The following LPGAT1 variants were observed in gnomAD, a reference collection of about 807,000 sequenced individuals.
The protein encoded by LPGAT1 is acyl-CoA:lysophosphatidylglycerol acyltransferase 1.
LPGAT1 carries 11 observed loss-of-function variants against 47.5 expected under a neutral mutation model. The observed-to-expected ratio is 0.23, with a 90% CI of 0.15 to 0.38. The LOEUF (loss-of-function observed/expected upper bound fraction) is 0.38, where lower values mean the gene tolerates loss of function less well. LPGAT1 is among the 10% of genes least tolerant of loss of function. LPGAT1 has a pLI of 1.00. For missense variants in LPGAT1, 293 were observed against 439.0 expected (o/e 0.67, Z 2.97); for synonymous variants, 138 against 144.2 (o/e 0.96, Z 0.31).
intron 6 of LPGAT1, among the ~76,000 whole-genome samples, chr1:211,773,879 T>C (rs928610501): frequency 1.3e-5 from 2 of 152,178 alleles, no homozygotes; most frequent in African/African-American, 4.8e-5. Flanking sequence ...AAAATAAGCA[T>C]TACTTTTGAA....
chr1:211,796,947 A>G (rs934457186), intron 2 of LPGAT1, among the ~76,000 whole-genome samples: 5 of 152,120 alleles, frequency 3.3e-5, no homozygotes, highest in Admixed American at 1.3e-4. Flanking sequence ...AGACTCACAT[A>G]GCATGCTGAA....
At chr1:211,796,591 G>A (rs1422339706) in intron 2 of LPGAT1, among the ~76,000 whole-genome samples, 4 of 152,132 alleles carry the variant, frequency 2.6e-5, no homozygotes, top group African/African-American at 9.7e-5. Flanking sequence ...AATATCTGCT[G>A]TAAAACCCAC....
chr1:211,750,195 G>T, intron 7 of LPGAT1, 145 bp from the exon 8 acceptor site: 1 of 698,450 alleles, frequency 1.4e-6, no homozygotes, highest in Non-Finnish European at 2.4e-6. Flanking sequence ...GATTTTATTT[G>T]AAATACAATT....
chr1:211,780,749 A>G (rs1658607326), intron 5 of LPGAT1, among the ~76,000 whole-genome samples: 1 of 152,240 alleles, frequency 6.6e-6, no homozygotes, highest in Non-Finnish European at 1.5e-5. Flanking sequence ...GTTTAGGAGT[A>G]AAGTATACTA....
At chr1:211,807,044 G>A (rs1659786720) in intron 2 of LPGAT1, among the ~76,000 whole-genome samples, 1 of 151,994 alleles carries the variant, frequency 6.6e-6, no homozygotes, top group Admixed American at 6.6e-5. Flanking sequence ...TACAAAAAAC[G>A]CCTATTCCCA....
At chr1:211,760,436 C>A (rs1657647752) in intron 6 of LPGAT1, among the ~76,000 whole-genome samples, 1 of 152,184 alleles carries the variant, frequency 6.6e-6, no homozygotes, top group African/African-American at 2.4e-5. Flanking sequence ...GCCTGGGCAA[C>A]AATAGCAAAA....
At chr1:211,829,380 G>A in intron 1 of LPGAT1, 57 bp from the exon 2 acceptor site, 1 of 1,582,634 alleles carries the variant, frequency 6.3e-7, no homozygotes, top group Non-Finnish European at 8.6e-7. Flanking sequence ...CATCTAAACA[G>A]TCACCAACAT....
At chr1:211,757,128 G>A (rs1281653221) in intron 6 of LPGAT1, among the ~76,000 whole-genome samples, 2 of 151,836 alleles carry the variant, frequency 1.3e-5, no homozygotes, top group Non-Finnish European at 2.9e-5. Context: ...GTGGTGGCAG[G>A]TGCCTGTAAT....
At chr1:211,750,857 G>A in intron 7 of LPGAT1, 104 bp downstream of exon 7, 2 of 773,878 alleles carry the variant, frequency 2.6e-6, no homozygotes, top group African/African-American at 3.5e-5. Context: ...AATTTACAGA[G>A]TGCATTTTCA....
intron 2 of LPGAT1, among the ~76,000 whole-genome samples, chr1:211,809,409 A>G (rs1659882280): frequency 6.6e-6 from 1 of 152,194 alleles, no homozygotes; most frequent in Non-Finnish European, 1.5e-5. Flanking sequence ...AGAGATTCAA[A>G]TGTAAATCAA....
intron 2 of LPGAT1, among the ~76,000 whole-genome samples, chr1:211,809,517 G>T (rs1659887575): frequency 6.6e-6 from 1 of 152,102 alleles, no homozygotes. Context: ...CTGTGTCCCT[G>T]CCCAAATCTC....
At chr1:211,764,291 C>G (rs541607876) in intron 6 of LPGAT1, among the ~76,000 whole-genome samples, 4 of 152,104 alleles carry the variant, frequency 2.6e-5, no homozygotes, top group Admixed American at 2.6e-4. Flanking sequence ...TAACAGACTG[C>G]GCTATTCTCA....
chr1:211,824,435 C>T (rs960584032), intron 2 of LPGAT1, among the ~76,000 whole-genome samples: 1 of 152,132 alleles, frequency 6.6e-6, no homozygotes, highest in Non-Finnish European at 1.5e-5. Context: ...TAGACACTTA[C>T]TGAGTACTCT....
At chr1:211,804,137 A>G (rs1379439110) in intron 2 of LPGAT1, among the ~76,000 whole-genome samples, 2 of 152,076 alleles carry the variant, frequency 1.3e-5, no homozygotes, top group Admixed American at 1.3e-4. Context: ...CAGTGGCACA[A>G]TCAAAGCTCA....
intron 2 of LPGAT1, among the ~76,000 whole-genome samples, chr1:211,817,885 A>G (rs911777827): frequency 6.6e-6 from 1 of 151,958 alleles, no homozygotes; most frequent in East Asian, 1.9e-4. Context: ...GACAGGCTGG[A>G]GTGCAGTGGT....
In LPGAT1 at chr1:211,769,855, G is replaced by A. The variant is rs566132188; in HGVS notation, c.854+9063C>T. Among the ~76,000 whole-genome samples, 236 of 152,224 alleles carry A rather than the reference G, an allele frequency of 1.6e-3. 2 individuals carry two copies. Among genetic ancestry groups the A allele is most frequent in the Non-Finnish European group, 2.7e-3 (182 of 68,018 alleles). On this transcript the variant is annotated intron_variant, in intron 6 of 7. Coordinates refer to ENST00000366997, the MANE Select transcript of LPGAT1 (RefSeq NM_014873.3). ...TTTATCAGGAAGGTCTCTATGACCT[G>A]TATCTTGTGCCATAACCTCTTATCC...
chr1:211,750,893 G>T, intron 7 of LPGAT1, 68 bp downstream of exon 7: 1 of 1,183,164 alleles, frequency 8.5e-7, no homozygotes, highest in Non-Finnish European at 1.2e-6. Context: ...TATGCAAACA[G>T]CTTTCTTTAA....
At chr1:211,779,382 C>T (rs1273576134) in intron 5 of LPGAT1, among the ~76,000 whole-genome samples, 2 of 152,064 alleles carry the variant, frequency 1.3e-5, no homozygotes, top group Non-Finnish European at 2.9e-5. Context: ...AAGCTAAACT[C>T]ACATCACAGA....
chr1:211,817,584 G>A (rs1056336455), intron 2 of LPGAT1, among the ~76,000 whole-genome samples: 8 of 149,976 alleles, frequency 5.3e-5, no homozygotes, highest in Admixed American at 1.3e-4. Flanking sequence ...AAAAAAAAAA[G>A]AAAGAAAGAA....
Sources: allele counts gnomAD v4.1 joint callset (sites outside exome capture counted in the v4.1 genomes callset), GRCh38; gene constraint gnomAD v4.1.1; transcripts MANE v1.5; gene names NCBI Gene and HGNC (gene_info 2026-07-23, HGNC 2026-07-21).